Variants in ATP6V1H observed in about 807,000 individuals in gnomAD.
The protein encoded by ATP6V1H is ATPase H+ transporting V1 subunit H.
In ATP6V1H, 39 loss-of-function variants were observed where a neutral mutation model predicts 71.7. That is an observed-to-expected ratio of 0.54 (90% CI 0.42 to 0.71). The LOEUF (loss-of-function observed/expected upper bound fraction) is 0.71. Ranked by LOEUF, ATP6V1H falls within the 30% of genes least tolerant of loss-of-function variation. The probability of loss-of-function intolerance (pLI) is 0.00; values close to 1 mark genes in which losing one functional copy is unlikely to be tolerated. For synonymous variants in ATP6V1H, 192 were observed against 199.3 expected (o/e 0.96, Z 0.31); for missense variants, 509 against 594.9 (o/e 0.86, Z 1.50).
Position 53,736,927 on chromosome 8 carries a change from A to AC in ATP6V1H, c.1391+6649dup, listed in dbSNP as rs1807224382. On this transcript the variant is annotated intron_variant, in intron 13 of 13. Coordinates refer to ENST00000359530, the MANE Select transcript of ATP6V1H (RefSeq NM_015941.4). ...TAGTTAAAAATCAACCCCTGACGTA[A>AC]CCGCTTGTATTATCTATAGATTCCA... Among the ~76,000 whole-genome samples the AC allele has an allele frequency of 2.0e-5, 3 of 152,228 alleles. No individual in the cohort carries two copies. The South Asian group carries it at 6.2e-4, about 31-fold the overall frequency.
intron 9 of ATP6V1H, 100 bp downstream of exon 9, chr8:53,795,547 A>T (rs1266134968): frequency 1.9e-6 from 2 of 1,049,712 alleles, no homozygotes; most frequent in Non-Finnish European, 2.9e-6. Context: ...TTTCATAACC[A>T]CAAGAAGAAC....
intron 7 of ATP6V1H, chr8:53,806,845 T>C (rs932533652): frequency 2.2e-6 from 1 of 454,736 alleles, no homozygotes; most frequent in African/African-American, 2.0e-5. Flanking sequence ...TCGTGTAATT[T>C]ACTGAATACT....
intron 9 of ATP6V1H, among the ~76,000 whole-genome samples, chr8:53,776,926 A>G (rs554543012): frequency 6.6e-6 from 1 of 152,356 alleles, no homozygotes; most frequent in South Asian, 2.1e-4. Flanking sequence ...TAAAATTTAC[A>G]AATGAGCTCA....
At chr8:53,758,830 T>G (rs1253795694) in intron 11 of ATP6V1H, among the ~76,000 whole-genome samples, 1 of 152,278 alleles carries the variant, frequency 6.6e-6, no homozygotes, top group East Asian at 1.9e-4. Context: ...ATTAGTTTAC[T>G]TGGTGTCCAT....
At chr8:53,760,123 C>T (rs756381316) in intron 11 of ATP6V1H, among the ~76,000 whole-genome samples, 16 of 152,162 alleles carry the variant, frequency 1.1e-4, no homozygotes, top group Non-Finnish European at 2.4e-4. Flanking sequence ...TGCCAGGGAA[C>T]GACAGTCTTC....
At chr8:53,756,006 C>T (rs1285876511) in intron 12 of ATP6V1H, among the ~76,000 whole-genome samples, 2 of 144,286 alleles carry the variant, frequency 1.4e-5, no homozygotes, top group Non-Finnish European at 3.0e-5. Context: ...ATCCGCCCGC[C>T]TCGGCCTCCC....
chr8:53,756,069 CTTTTT>C (rs199967847), intron 12 of ATP6V1H, among the ~76,000 whole-genome samples: 1 of 96,580 alleles, frequency 1.0e-5, no homozygotes, highest in Non-Finnish European at 2.0e-5. Context: ...TTTTTCTTTT[CTTTTT>C]TTTTTTTTTT....
chr8:53,821,399 G>C (rs1287670989), intron 4 of ATP6V1H, among the ~76,000 whole-genome samples: 1 of 151,106 alleles, frequency 6.6e-6, no homozygotes, highest in Non-Finnish European at 1.5e-5. Flanking sequence ...GAGAGAGAGA[G>C]AGTCCAGGTG....
chr8:53,781,093 C>G (rs1472585635), intron 9 of ATP6V1H, among the ~76,000 whole-genome samples: 2 of 152,176 alleles, frequency 1.3e-5, no homozygotes, highest in Non-Finnish European at 2.9e-5. Context: ...ATTTCTAGTT[C>G]TAGATCCCTC....
chr8:53,832,892 A>C, intron 3 of ATP6V1H, 92 bp downstream of exon 3: 1 of 775,976 alleles, frequency 1.3e-6, no homozygotes, highest in Non-Finnish European at 2.1e-6. Context: ...CCAAATTAGC[A>C]AGAAAACTGG....
chr8:53,732,576 C>T (rs1029918168), intron 13 of ATP6V1H, among the ~76,000 whole-genome samples: 1 of 151,450 alleles, frequency 6.6e-6, no homozygotes, highest in Admixed American at 6.6e-5. Context: ...TGTACCCAGA[C>T]CAAATTCCTT....
chr8:53,759,401 T>C (rs988587591), intron 11 of ATP6V1H, among the ~76,000 whole-genome samples: 2 of 152,190 alleles, frequency 1.3e-5, no homozygotes, highest in African/African-American at 4.8e-5. Context: ...ATGAGAGAAC[T>C]CCCTCCAAGA....
chr8:53,772,067 T>C lies in ATP6V1H; in HGVS notation c.971A>G (p.Gln324Arg). Residue 324 changes from glutamine to arginine, a missense_variant, in exon 10 of 14, where the codon CAG (glutamine) becomes CGG (arginine). Gln to Arg is a conservative substitution (Grantham distance 43). Around this residue, in one of 2 missense-constraint regions of ATP6V1H, gnomAD observed 212 missense variants for 291.6 expected, o/e 0.73. Transcript: ENST00000359530. ...VLKQLENLEQ[Q>R]KYDDEDISED... ...GCTGATATCTTCATCATCGTACTTC[T>C]GCTGTTCCAAGTTCTCCAACTGTTT... 6.2e-7 allele frequency: 1 copy of C among 1,614,122 alleles called. No homozygotes were observed. The highest frequency in any genetic ancestry group is 8.5e-7 in the Non-Finnish European group (1 of 1,179,984).
chr8:53,776,103 T>TG (rs1228331834), intron 9 of ATP6V1H, among the ~76,000 whole-genome samples: 1 of 152,070 alleles, frequency 6.6e-6, no homozygotes, highest in East Asian at 1.9e-4. Context: ...CTGGCACCGG[T>TG]GGGGGACCCA....
chr8:53,817,676 GGGGCA>G, intron 4 of ATP6V1H, 146 bp from the exon 5 acceptor site: 1 of 544,532 alleles, frequency 1.8e-6, no homozygotes, highest in Non-Finnish European at 3.3e-6. Context: ...TTATTACTAC[GGGGCA>G]GGGGGTAGGG....
intron 11 of ATP6V1H, among the ~76,000 whole-genome samples, chr8:53,762,283 A>G (rs1808297612): frequency 6.6e-6 from 1 of 152,126 alleles, no homozygotes; most frequent in Admixed American, 6.5e-5. Context: ...AATCACACAC[A>G]AAGGAATAAA....
chr8:53,745,731 CAA>C (rs879465903), intron 12 of ATP6V1H, among the ~76,000 whole-genome samples: 4 of 139,258 alleles, frequency 2.9e-5, no homozygotes, highest in Admixed American at 7.2e-5. Context: ...CACAAAAATG[CAA>C]AAAAAAAAAA....
chr8:53,717,741 GTAA>G (rs1387273841), intron 13 of ATP6V1H, among the ~76,000 whole-genome samples: 1 of 151,846 alleles, frequency 6.6e-6, no homozygotes, highest in East Asian at 1.9e-4. Flanking sequence ...GGTGGTGGAG[GTAA>G]TAATATTTAT....
intron 13 of ATP6V1H, among the ~76,000 whole-genome samples, chr8:53,717,333 G>C (rs1002175409): frequency 6.6e-6 from 1 of 152,192 alleles, no homozygotes; most frequent in Non-Finnish European, 1.5e-5. Flanking sequence ...AGGAGGAACT[G>C]GTGGCCCAGA....
Sources: allele counts gnomAD v4.1 joint callset (sites outside exome capture counted in the v4.1 genomes callset), GRCh38; gene constraint gnomAD v4.1.1; regional missense constraint gnomAD v4.1.1; transcripts MANE v1.5; gene names NCBI Gene and HGNC (gene_info 2026-07-23, HGNC 2026-07-21).